The following RCBTB1 variants were observed in gnomAD, a reference collection of about 807,000 sequenced individuals.
RCBTB1 encodes RCC1 and BTB domain-containing protein 1.
A neutral mutation model predicts 62.4 loss-of-function variants in RCBTB1; 46 were observed. The ratio of observed to expected loss-of-function variants is 0.74; its 90% CI spans 0.58 to 0.94. The LOEUF (loss-of-function observed/expected upper bound fraction) is 0.94. Among genes scored for constraint, RCBTB1 ranks in the 40% least tolerant of loss-of-function variants. The probability of loss-of-function intolerance (pLI) is 0.00; values close to 1 mark genes in which losing one functional copy is unlikely to be tolerated. For synonymous variants in RCBTB1, 222 were observed against 245.8 expected, an observed-to-expected ratio of 0.90 and a Z score of 0.91; for missense variants, 565 against 654.9, an observed-to-expected ratio of 0.86 and a Z score of 1.50.
intron 1 of RCBTB1, among the ~76,000 whole-genome samples, chr13:49,585,012 C>T (rs901639576): frequency 3.3e-5 from 5 of 152,132 alleles, no homozygotes; most frequent in East Asian, 1.9e-4. Context: ...CGGTTTGTGA[C>T]AGCACTACTC....
chr13:49,537,444 G>A (rs1009220421), intron 12 of RCBTB1, among the ~76,000 whole-genome samples: 3 of 152,172 alleles, frequency 2.0e-5, no homozygotes, highest in South Asian at 2.1e-4. Context: ...AGAAAAAAAC[G>A]CTGGCCACCA....
chr13:49,548,476 A>C (rs1566225716), intron 9 of RCBTB1, among the ~76,000 whole-genome samples: 3 of 152,126 alleles, frequency 2.0e-5, no homozygotes, highest in Non-Finnish European at 2.9e-5. Context: ...AGAAGTGCTT[A>C]AGAACAGGCT....
At chr13:49,543,870 A>G (rs1376724278) in intron 10 of RCBTB1, among the ~76,000 whole-genome samples, 1 of 152,064 alleles carries the variant, frequency 6.6e-6, no homozygotes, top group African/African-American at 2.4e-5. Flanking sequence ...TATTTTTTGT[A>G]GAGACAGTGT....
chr13:49,533,214 CA>C lies in RCBTB1; in HGVS notation c.*907del, dbSNP rs1387091490. ...GTCATATATAGTAGATATGATGATT[CA>C]GCAGTCATAATTTAGGAAGGCAAGA... On this transcript the variant is annotated 3_prime_UTR_variant, in exon 13 of 13. Transcript: ENST00000378302. 2 of 152,130 alleles carry C rather than the reference CA, an allele frequency of 1.3e-5. No homozygotes were observed. Among genetic ancestry groups the C allele is most frequent in the African/African-American group, 2.4e-5 (1 of 41,420 alleles). The allele number at this position is 152,130 out of a possible 1,614,324, so 9.4% of individuals were successfully genotyped here.
At chr13:49,560,780 C>T (rs918342485) in intron 4 of RCBTB1, among the ~76,000 whole-genome samples, 2 of 152,156 alleles carry the variant, frequency 1.3e-5, no homozygotes, top group African/African-American at 2.4e-5. Flanking sequence ...CTAGCAACAC[C>T]TGGAGGCATT....
chr13:49,576,055 C>T (rs1963761805), intron 2 of RCBTB1, among the ~76,000 whole-genome samples: 1 of 151,534 alleles, frequency 6.6e-6, no homozygotes, highest in Non-Finnish European at 1.5e-5. Flanking sequence ...GGTGTGGTGG[C>T]GGGCACCAGT....
In RCBTB1 at chr13:49,534,143, T is replaced by A; in HGVS notation, c.1575A>T (p.Lys525Asn). The A allele has an allele frequency of 6.8e-6, 11 of 1,614,084 alleles. No individual in the cohort carries two copies. Among genetic ancestry groups the A allele is most frequent in the Non-Finnish European group, 9.3e-6 (11 of 1,179,986 alleles). Residue 525 changes from lysine (K) to asparagine (N), a missense_variant, in exon 13 of 13, where the codon AAA (lysine) becomes AAT (asparagine). Physicochemically the swap from Lys to Asn is moderately conservative, Grantham distance 94. Transcript: ENST00000378302. ...CGCTTCAGTTCTTAAAGGCTCCACA[T>A]TTACTGGCTTTAGCAATGAATTCCT... ...LLKEFIAKAS[K>N]CGAFKN
intron 9 of RCBTB1, chr13:49,546,311 G>A (rs1960782761): frequency 2.0e-6 from 2 of 984,570 alleles, no homozygotes; most frequent in Admixed American, 1.2e-4. Context: ...CTAACACTCA[G>A]ATGAGATCAC....
intron 5 of RCBTB1, among the ~76,000 whole-genome samples, chr13:49,556,196 G>GTT (rs56970196): frequency 2.5e-4 from 32 of 129,450 alleles, no homozygotes; most frequent in Admixed American, 5.3e-4. Flanking sequence ...TTTTGCTTTG[G>GTT]TTTTTTTTTT....
intron 5 of RCBTB1, 138 bp downstream of exon 5, chr13:49,559,780 A>G: frequency 1.4e-6 from 1 of 698,652 alleles, no homozygotes; most frequent in Non-Finnish European, 2.3e-6. Context: ...CATGCTGGTG[A>G]CAGTTGTATG....
intron 1 of RCBTB1, among the ~76,000 whole-genome samples, chr13:49,584,849 G>A (rs1329831914): frequency 6.6e-6 from 1 of 152,182 alleles, no homozygotes; most frequent in Non-Finnish European, 1.5e-5. Flanking sequence ...GTGCTCGATA[G>A]TCATCTTAAA....
chr13:49,565,166 C>T (rs1022578553), intron 4 of RCBTB1, among the ~76,000 whole-genome samples: 11 of 152,306 alleles, frequency 7.2e-5, no homozygotes, highest in South Asian at 4.1e-4. Flanking sequence ...AGGGGCGCGC[C>T]GCCACACCTG....
At chr13:49,567,866 T>C (rs1238707783) in intron 2 of RCBTB1, among the ~76,000 whole-genome samples, 1 of 152,176 alleles carries the variant, frequency 6.6e-6, no homozygotes, top group Non-Finnish European at 1.5e-5. Context: ...GCCAGACTAC[T>C]GGAATAACAT....
At chr13:49,567,357 T>C (rs536826844) in intron 2 of RCBTB1, 37 bp from the exon 3 acceptor site, 52 of 1,503,844 alleles carry the variant, frequency 3.5e-5, no homozygotes, top group Non-Finnish European at 4.3e-5. Flanking sequence ...AAAAATTAAA[T>C]AGTCACTGAG....
chr13:49,565,181 G>A (rs1217182672), intron 4 of RCBTB1, among the ~76,000 whole-genome samples: 1 of 152,198 alleles, frequency 6.6e-6, no homozygotes, highest in African/African-American at 2.4e-5. Flanking sequence ...CACCTGACTG[G>A]TTTTCGTATT....
chr13:49,567,873 A>T (rs1261678718), intron 2 of RCBTB1, among the ~76,000 whole-genome samples: 1 of 152,228 alleles, frequency 6.6e-6, no homozygotes, highest in African/African-American at 2.4e-5. Context: ...TACTGGAATA[A>T]CATTTGGATG....
chr13:49,555,263 C>A (rs963591160), intron 6 of RCBTB1, among the ~76,000 whole-genome samples: 6 of 152,196 alleles, frequency 3.9e-5, no homozygotes, highest in Non-Finnish European at 2.9e-5. Flanking sequence ...AGGCATTAGG[C>A]TCTTTGGATC....
At chr13:49,558,094 C>A (rs1962096642) in intron 5 of RCBTB1, among the ~76,000 whole-genome samples, 1 of 152,208 alleles carries the variant, frequency 6.6e-6, no homozygotes, top group Admixed American at 6.5e-5. Context: ...CCGGCCAGGG[C>A]CACTGTCTGT....
At chr13:49,559,852 TTTATG>T (rs2139230815) in intron 5 of RCBTB1, 61 bp downstream of exon 5, 1 of 1,469,258 alleles carries the variant, frequency 6.8e-7, no homozygotes, top group Non-Finnish European at 9.2e-7. Flanking sequence ...GCTGGTAAAT[TTTATG>T]TTAAGTGTAT....
Sources: gnomAD v4.1 joint callset for allele counts (sites outside exome capture counted in the v4.1 genomes callset) on GRCh38, gnomAD v4.1.1 for gene constraint, MANE v1.5 for transcripts, NCBI Gene and HGNC (gene_info 2026-07-23, HGNC 2026-07-21) for gene names.